The following CREB3L2 variants were observed in gnomAD, a reference collection of about 807,000 sequenced individuals.
CREB3L2 encodes the protein cAMP responsive element binding protein 3 like 2, also known as cyclic AMP-responsive element-binding protein 3-like protein 2.
A neutral mutation model predicts 57.2 loss-of-function variants in CREB3L2; 23 were observed. The ratio of observed to expected loss-of-function variants is 0.40; its 90% CI spans 0.29 to 0.57. The LOEUF is 0.57. Among genes scored for constraint, CREB3L2 ranks in the 20% least tolerant of loss-of-function variants. The pLI is 0.42. For missense variants in CREB3L2, 628 were observed against 634.7 expected (o/e 0.99, Z 0.11); for synonymous variants, 268 against 265.1 (o/e 1.01, Z -0.11).
intron 6 of CREB3L2, among the ~76,000 whole-genome samples, chr7:137,904,876 C>G (rs10272404): frequency 1.9e-4 from 28 of 149,860 alleles, no homozygotes; most frequent in Admixed American, 1.9e-3. Flanking sequence ...GAAAAGAAAA[C>G]AATGGACACT....
At chr7:137,981,747 G>A (rs969008184) in intron 1 of CREB3L2, among the ~76,000 whole-genome samples, 10 of 152,196 alleles carry the variant, frequency 6.6e-5, no homozygotes, top group Non-Finnish European at 1.0e-4. Context: ...AGAATACTCC[G>A]AAATGCCTTT....
At chr7:137,995,329 C>CTTT (rs1431208451) in intron 1 of CREB3L2, among the ~76,000 whole-genome samples, 22 of 21,948 alleles carry the variant, frequency 1.0e-3, no homozygotes, top group African/African-American at 2.5e-3. Context: ...TTTTTCTTTT[C>CTTT]TTTCTTTTTT....
chr7:137,933,622 A>T (rs1800710632), intron 1 of CREB3L2: 1 of 152,232 alleles, frequency 6.6e-6, no homozygotes. Flanking sequence ...GTTTATTATC[A>T]TAACCTCCCC....
intron 2 of CREB3L2, among the ~76,000 whole-genome samples, chr7:137,920,233 T>G (rs924879397): frequency 1.8e-4 from 28 of 152,180 alleles, no homozygotes; most frequent in Non-Finnish European, 3.2e-4. Flanking sequence ...TGATGTACCA[T>G]TGGTATGTGA....
At chr7:137,895,675 T>C (rs1799615909) in intron 8 of CREB3L2, among the ~76,000 whole-genome samples, 1 of 128,326 alleles carries the variant, frequency 7.8e-6, no homozygotes, top group South Asian at 2.5e-4. Flanking sequence ...ATACTCAGGA[T>C]TGACTCATAA....
At chr7:137,891,832 G>A (rs1799533765) in intron 8 of CREB3L2, among the ~76,000 whole-genome samples, 1 of 152,176 alleles carries the variant, frequency 6.6e-6, no homozygotes, top group African/African-American at 2.4e-5. Context: ...GCCCACCTCG[G>A]CCTCCCAAAG....
At chr7:137,908,191 GC>G in intron 5 of CREB3L2, 60 bp downstream of exon 5, 1 of 1,137,182 alleles carries the variant, frequency 8.8e-7, no homozygotes, top group Non-Finnish European at 1.1e-6. Context: ...TCTGGATACA[GC>G]CCCAGGGGAA....
chr7:137,966,730 G>A (rs1357266209), intron 1 of CREB3L2, among the ~76,000 whole-genome samples: 1 of 152,196 alleles, frequency 6.6e-6, no homozygotes, highest in Non-Finnish European at 1.5e-5. Flanking sequence ...AAGCTCCCCT[G>A]CAGTGGCTTA....
intron 8 of CREB3L2, 116 bp from the exon 9 acceptor site, chr7:137,885,618 C>T (rs1233367669): frequency 1.3e-6 from 1 of 754,282 alleles, no homozygotes; most frequent in Non-Finnish European, 2.3e-6. Flanking sequence ...CAACAGAGCC[C>T]CAAGGGACAG....
rs373702105 is a variant in CREB3L2, at chr7:137,885,108, C to A, written c.1157G>T (p.Cys386Phe). Residue 386 changes from cysteine to phenylalanine, a missense_variant, in exon 10 of 12, where the codon TGC (cysteine) becomes TTC (phenylalanine). Transcript: ENST00000330387. ...GAAGCTGCCGAATGCAACGGCAAAG[C>A]ACAGCACCACAACCTGTGGGAGAGA... is the stretch of plus-strand genomic sequence containing the variant. Reference protein sequence around the residue: ...TGTCLMVVVLCFAVAFGSFFQ... With the variant: ...TGTCLMVVVLFFAVAFGSFFQ... 8.7e-6 allele frequency: 14 copies of A among 1,614,008 alleles called. No individual in the cohort carries two copies. Among genetic ancestry groups the A allele is most frequent in the Non-Finnish European group, 9.3e-6 (11 of 1,180,010 alleles).
At chr7:137,946,844 C>CTA (rs1376306781) in intron 1 of CREB3L2, among the ~76,000 whole-genome samples, 523 of 28,782 alleles carry the variant, frequency 0.018, 125 homozygotes, top group African/African-American at 0.086. Flanking sequence ...ATATAGTTAT[C>CTA]TATATAGTTA....
chr7:137,964,705 TAG>T (rs1182937553), intron 1 of CREB3L2, among the ~76,000 whole-genome samples: 7 of 152,232 alleles, frequency 4.6e-5, no homozygotes, highest in African/African-American at 2.4e-5. Flanking sequence ...TTTCAAATTA[TAG>T]AGAGTCATAA....
At chr7:137,934,070 A>T (rs536267995) in intron 1 of CREB3L2, among the ~76,000 whole-genome samples, 1 of 152,262 alleles carries the variant, frequency 6.6e-6, no homozygotes, top group Non-Finnish European at 1.5e-5. Context: ...AGGCAATGGC[A>T]TAATAACATT....
chr7:137,900,778 T>A (rs544797527), intron 8 of CREB3L2, among the ~76,000 whole-genome samples: 2 of 152,002 alleles, frequency 1.3e-5, no homozygotes, highest in Non-Finnish European at 2.9e-5. Flanking sequence ...CATTCCAGCC[T>A]GGGCGACAGA....
At chr7:137,925,974 T>C (rs1345615866) in intron 2 of CREB3L2, among the ~76,000 whole-genome samples, 2 of 152,184 alleles carry the variant, frequency 1.3e-5, no homozygotes, top group East Asian at 1.9e-4. Flanking sequence ...GAGCTATAAA[T>C]AGAACAAAGC....
chr7:137,970,051 G>A (rs930235174), intron 1 of CREB3L2, among the ~76,000 whole-genome samples: 11 of 152,144 alleles, frequency 7.2e-5, no homozygotes, highest in African/African-American at 2.7e-4. Flanking sequence ...GTTATGGGGG[G>A]GTTAGAAGAT....
In CREB3L2 at chr7:137,875,632, C is replaced by T. The variant is rs904053187; in HGVS notation, c.*4844G>A. 3 of 224,662 alleles carry T rather than the reference C, an allele frequency of 1.3e-5. No individual in the cohort carries two copies. Among genetic ancestry groups the T allele is most frequent in the Admixed American group, 5.7e-5 (1 of 17,486 alleles). 13.9% of individuals were successfully genotyped at this position (224,662 alleles called of 1,614,324 possible). ...ATTGCAGGGGACAGGTGCTGTAATT[C>T]CTGCCCAGAGAACTTGAAAGCTTAC... On this transcript the variant is annotated 3_prime_UTR_variant, in exon 12 of 12. Transcript: ENST00000330387.
In CREB3L2 at chr7:137,877,849, C is replaced by A; in HGVS notation, c.*2627G>T. ...TTAATCCCTGAACAGAAAATGTGCA[C>A]ACATCCATTAACTATTTGGAACCAA... On this transcript the variant is annotated 3_prime_UTR_variant, in exon 12 of 12. Coordinates refer to ENST00000330387, the MANE Select transcript of CREB3L2 (RefSeq NM_194071.4). 1 of 228,710 alleles carries A rather than the reference C, an allele frequency of 4.4e-6. No individual in the cohort carries two copies. The highest frequency in any genetic ancestry group is 8.7e-6 in the Non-Finnish European group (1 of 115,310). 14.2% of individuals were successfully genotyped at this position (228,710 alleles called of 1,614,324 possible). A position where few individuals can be genotyped will look rare whatever the true frequency, so the allele number is the denominator to read the frequency against.
At chr7:137,958,179 C>T (rs188421670) in intron 1 of CREB3L2, among the ~76,000 whole-genome samples, 311 of 152,288 alleles carry the variant, frequency 2.0e-3, no homozygotes, top group Middle Eastern at 0.01. Context: ...TTGAACAGTT[C>T]ACACTACCCA....
Sources: gnomAD v4.1 joint callset for allele counts (sites outside exome capture counted in the v4.1 genomes callset) on GRCh38, gnomAD v4.1.1 for gene constraint, MANE v1.5 for transcripts, NCBI Gene and HGNC (gene_info 2026-07-23, HGNC 2026-07-21) for gene names.